Variants in SLC2A12 observed in about 807,000 individuals in gnomAD.
SLC2A12 encodes solute carrier family 2 member 12.
SLC2A12 carries 23 observed loss-of-function variants against 41.8 expected under a neutral mutation model. That is an observed-to-expected ratio of 0.55 (90% CI 0.40 to 0.78). SLC2A12 has a LOEUF of 0.78. SLC2A12 is among the 30% of genes least tolerant of loss of function. The pLI, the probability that SLC2A12 is intolerant of heterozygous loss-of-function variation, is 0.00. For synonymous variants in SLC2A12, 295 were observed against 285.9 expected (o/e 1.03, Z -0.32); for missense variants, 654 against 745.6 (o/e 0.88, Z 1.43).
At chr6:134,000,797 AT>A (rs1479400578) in intron 4 of SLC2A12, among the ~76,000 whole-genome samples, 2 of 152,222 alleles carry the variant, frequency 1.3e-5, no homozygotes, top group Non-Finnish European at 1.5e-5. Flanking sequence ...TCCTTGTGAA[AT>A]TTTTTAAACC....
intron 1 of SLC2A12, among the ~76,000 whole-genome samples, chr6:134,030,612 CA>C (rs1294450594): frequency 2.0e-5 from 3 of 152,102 alleles, no homozygotes; most frequent in African/African-American, 7.2e-5. Context: ...AACAAAAAAG[CA>C]ACAGAGGGAA....
chr6:133,997,867 G>T (rs1010036387), intron 4 of SLC2A12, among the ~76,000 whole-genome samples: 27 of 152,136 alleles, frequency 1.8e-4, no homozygotes, highest in African/African-American at 6.3e-4. Context: ...GCTTCCTCAT[G>T]GTTTATAGCT....
At chr6:134,012,355 A>T (rs759375992) in intron 2 of SLC2A12, among the ~76,000 whole-genome samples, 8 of 152,248 alleles carry the variant, frequency 5.3e-5, no homozygotes, top group Non-Finnish European at 8.8e-5. Flanking sequence ...ACTAAATGGA[A>T]TAAGCCTCAA....
intron 1 of SLC2A12, among the ~76,000 whole-genome samples, chr6:134,038,353 CTTTTTTTTT>C (rs10584884): frequency 4.1e-5 from 4 of 97,534 alleles, no homozygotes; most frequent in African/African-American, 1.5e-4. Context: ...TTCTTTCTGC[CTTTTTTTTT>C]TTTTTTTTTT....
intron 2 of SLC2A12, among the ~76,000 whole-genome samples, chr6:134,024,653 T>C (rs1179292676): frequency 2.6e-5 from 4 of 152,244 alleles, no homozygotes; most frequent in African/African-American, 4.8e-5. Flanking sequence ...CAAGGGACCA[T>C]TAGCTCTTAG....
At chr6:134,037,755 T>A (rs1194785365) in intron 1 of SLC2A12, among the ~76,000 whole-genome samples, 1 of 152,184 alleles carries the variant, frequency 6.6e-6, no homozygotes, top group Admixed American at 6.5e-5. Context: ...ACTGGGAGCA[T>A]GTTGGGAGCA....
chr6:134,038,113 C>T (rs575166670), intron 1 of SLC2A12, among the ~76,000 whole-genome samples: 193 of 152,248 alleles, frequency 1.3e-3, no homozygotes, highest in African/African-American at 4.4e-3. Context: ...GAATTTTCTA[C>T]GGAAAAAATA....
intron 1 of SLC2A12, among the ~76,000 whole-genome samples, chr6:134,035,634 G>C (rs773961757): frequency 6.6e-6 from 1 of 152,056 alleles, no homozygotes; most frequent in Non-Finnish European, 1.5e-5. Flanking sequence ...AACTAAATTT[G>C]TTATGCTTTT....
Position 134,030,589 on chromosome 6 carries a change from A to G in SLC2A12, c.104-868T>C, listed in dbSNP as rs117831920. 8.2e-3 allele frequency among the ~76,000 whole-genome samples: 1,244 copies of G among 152,374 alleles called. 13 individuals are homozygous for G. Among genetic ancestry groups the G allele is most frequent in the Non-Finnish European group, 0.012 (842 of 68,030 alleles). ...TTATATGTTTGCAACTTGTCAAAAT[A>G]GAAATAAAACAAAACAAAAAAGCAA... On this transcript the variant is annotated intron_variant, in intron 1 of 4. Transcript: ENST00000275230.
intron 4 of SLC2A12, among the ~76,000 whole-genome samples, chr6:133,992,100 G>C (rs1342739744): frequency 6.6e-6 from 1 of 152,230 alleles, no homozygotes; most frequent in Non-Finnish European, 1.5e-5. Flanking sequence ...GACCTGAGAA[G>C]TTGGGGCAGG....
At chr6:134,048,523 C>T (rs1773612853) in intron 1 of SLC2A12, among the ~76,000 whole-genome samples, 1 of 152,072 alleles carries the variant, frequency 6.6e-6, no homozygotes, top group Non-Finnish European at 1.5e-5. Flanking sequence ...GAGCCAAGAT[C>T]GCGCCATCTT....
intron 2 of SLC2A12, among the ~76,000 whole-genome samples, chr6:134,019,888 G>T (rs2114458132): frequency 6.6e-6 from 1 of 152,166 alleles, no homozygotes; most frequent in African/African-American, 2.4e-5. Flanking sequence ...CAGGCCTGGT[G>T]GTAGTGCACA....
intron 2 of SLC2A12, among the ~76,000 whole-genome samples, chr6:134,011,249 G>A (rs1293807880): frequency 6.6e-6 from 1 of 152,130 alleles, no homozygotes; most frequent in Non-Finnish European, 1.5e-5. Context: ...ATTTGAGAGG[G>A]ACTGTGCCCA....
intron 1 of SLC2A12, among the ~76,000 whole-genome samples, chr6:134,036,142 G>A (rs1777295275): frequency 6.6e-6 from 1 of 152,204 alleles, no homozygotes; most frequent in African/African-American, 2.4e-5. Flanking sequence ...ACAGCCAGCT[G>A]AAAAGCATGC....
Position 134,038,684 on chromosome 6 carries a change from T to A in SLC2A12, c.104-8963A>T, listed in dbSNP as rs546218065. ...CTTCTTTCTGCTCTTCCTTTTATCC[T>A]TTCTTCCTTTCTTTCCTTTTTTTTT... On this transcript the variant is annotated intron_variant, in intron 1 of 4. Coordinates refer to ENST00000275230, the MANE Select transcript of SLC2A12 (RefSeq NM_145176.3). 1.8e-4 allele frequency among the ~76,000 whole-genome samples: 26 copies of A among 146,460 alleles called. No homozygotes were observed. In the South Asian group the frequency reaches 4.5e-3, roughly 26 times the overall value.
At position 133,988,765 on chromosome 6, in the gene SLC2A12, G is replaced by A. The variant is rs990350122; in HGVS notation, c.*2390C>T. On this transcript the variant is annotated 3_prime_UTR_variant, in exon 5 of 5. Coordinates refer to ENST00000275230, the MANE Select transcript of SLC2A12 (RefSeq NM_145176.3). ...AAAGTGTTTATTTCCTTTATTTTAAGATTCAGTAGGATAGCCAAATTCATA... is the reference window on the plus strand; with the variant it reads ...AAAGTGTTTATTTCCTTTATTTTAAAATTCAGTAGGATAGCCAAATTCATA... 1 of 151,634 alleles carries A rather than the reference G, an allele frequency of 6.6e-6. No individual in the cohort carries two copies. Among genetic ancestry groups the A allele is most frequent in the Non-Finnish European group, 1.5e-5 (1 of 67,956 alleles). The allele number at this position is 151,634 out of a possible 1,614,324, so 9.4% of individuals were successfully genotyped here.
In SLC2A12 at chr6:134,041,483, C is replaced by CA. The variant is rs1193304711; in HGVS notation, c.103+10894dup. 1.9e-3 allele frequency among the ~76,000 whole-genome samples: 275 copies of CA among 147,208 alleles called. 2 individuals are homozygous for CA. The highest frequency in any genetic ancestry group is 6.4e-3 in the African/African-American group (253 of 39,802). ...GGGCAACAAAGAAAGTTGTGTCAAA[C>CA]AAAAAAAAAGAGAGAGAGAGAGAAA... On this transcript the variant is annotated intron_variant, in intron 1 of 4. Coordinates refer to ENST00000275230, the MANE Select transcript of SLC2A12 (RefSeq NM_145176.3).
chr6:134,006,848 T>C lies in SLC2A12; in HGVS notation c.1531A>G (p.Asn511Asp). ...ALTSSMNWGI[N>D]LLISLTFLTV... ...AAAAATGTCAGCGAGATGAGGAGAT[T>C]GATGCCCCAGTTCATGCTAGAAGTT... Residue 511 changes from asparagine to aspartate, a missense_variant, in exon 3 of 5, where the codon AAT (asparagine) becomes GAT (aspartate). Transcript: ENST00000275230. 1.2e-6 allele frequency: 2 copies of C among 1,614,140 alleles called. No individual in the cohort carries two copies. The highest frequency in any genetic ancestry group is 8.5e-7 in the Non-Finnish European group (1 of 1,180,024).
At chr6:134,015,799 T>C (rs913241620) in intron 2 of SLC2A12, among the ~76,000 whole-genome samples, 6 of 152,216 alleles carry the variant, frequency 3.9e-5, no homozygotes, top group African/African-American at 1.4e-4. Flanking sequence ...TCCTTGGAGC[T>C]GTCATAATCT....
Sources: gnomAD v4.1 joint callset for allele counts (sites outside exome capture counted in the v4.1 genomes callset) on GRCh38, gnomAD v4.1.1 for gene constraint, MANE v1.5 for transcripts, NCBI Gene and HGNC (gene_info 2026-07-23, HGNC 2026-07-21) for gene names.